Variants in SLC10A7 observed in about 807,000 individuals in gnomAD.
The protein encoded by SLC10A7 is solute carrier family 10 member 7, also known as sodium/bile acid cotransporter 7.
A neutral mutation model predicts 43.2 loss-of-function variants in SLC10A7; 29 were observed. The observed-to-expected ratio is 0.67, with a 90% confidence interval of 0.50 to 0.92. SLC10A7 has a LOEUF of 0.92. Among genes scored for constraint, SLC10A7 ranks in the 40% least tolerant of loss-of-function variants. The pLI is 0.00. For missense variants in SLC10A7, 295 were observed against 403.2 expected, an observed-to-expected ratio of 0.73 and a Z score of 2.30; for synonymous variants, 152 against 144.8, an observed-to-expected ratio of 1.05 and a Z score of -0.35.
intron 5 of SLC10A7, among the ~76,000 whole-genome samples, chr4:146,371,757 A>AT (rs1229481751): frequency 6.6e-6 from 1 of 152,142 alleles, no homozygotes; most frequent in East Asian, 1.9e-4. Context: ...TTAAATGGAG[A>AT]TTTTTAATAT....
intron 5 of SLC10A7, among the ~76,000 whole-genome samples, chr4:146,327,808 C>T (rs532401849): frequency 6.6e-6 from 1 of 152,184 alleles, no homozygotes; most frequent in African/African-American, 2.4e-5. Flanking sequence ...AGCCCCCACC[C>T]CTGTGCCACT....
At chr4:146,439,507 G>C (rs1730443153) in intron 5 of SLC10A7, among the ~76,000 whole-genome samples, 2 of 151,868 alleles carry the variant, frequency 1.3e-5, no homozygotes, top group Non-Finnish European at 2.9e-5. Flanking sequence ...ATTGGATCAG[G>C]GTATTTTAGA....
intron 5 of SLC10A7, among the ~76,000 whole-genome samples, chr4:146,429,486 C>A (rs1231184954): frequency 6.6e-6 from 1 of 152,074 alleles, no homozygotes; most frequent in African/African-American, 2.4e-5. Context: ...AAAACAAACA[C>A]CTGCCTTCAT....
intron 3 of SLC10A7, among the ~76,000 whole-genome samples, chr4:146,507,244 T>C (rs1579369007): frequency 6.6e-6 from 1 of 152,196 alleles, no homozygotes; most frequent in Non-Finnish European, 1.5e-5. Flanking sequence ...TTTGAAGTTA[T>C]ATGTGACTCC....
rs1730539240 is a variant in SLC10A7, at chr4:146,292,916, C to T, written c.773+13G>A. Reference sequence around the variant, plus strand: ...TTTAGAAAACTAATAACAAGAGATACCAAATCACTTACCTTGTTGAAAAGA... The same window carrying T: ...TTTAGAAAACTAATAACAAGAGATATCAAATCACTTACCTTGTTGAAAAGA... On this transcript the variant is annotated intron_variant, in intron 9 of 11. Coordinates refer to ENST00000335472, the MANE Select transcript of SLC10A7 (RefSeq NM_001029998.6). The T allele has an allele frequency of 6.4e-7, 1 of 1,566,314 alleles. No homozygotes were observed. Among genetic ancestry groups the T allele is most frequent in the Non-Finnish European group, 8.8e-7 (1 of 1,142,384 alleles).
At chr4:146,286,444 A>G in intron 9 of SLC10A7, among the ~76,000 whole-genome samples, 1 of 133,532 alleles carries the variant, frequency 7.5e-6, no homozygotes, top group African/African-American at 2.8e-5. Context: ...AGGACTCTGG[A>G]GTGGTGAGAA....
intron 5 of SLC10A7, among the ~76,000 whole-genome samples, chr4:146,329,785 A>G (rs1733408795): frequency 6.6e-6 from 1 of 152,216 alleles, no homozygotes; most frequent in African/African-American, 2.4e-5. Context: ...GGGTGAGCTA[A>G]ACATTTAAAC....
rs1477631619 is a variant in SLC10A7, at chr4:146,329,447, A to G, written c.436-3451T>C. On this transcript the variant is annotated intron_variant, in intron 5 of 11. Transcript: ENST00000335472. ...CTATGTTATTTTATGTAATCCTCAC[A>G]CTCTCTGACATAGGTACTATTATTA... Among the ~76,000 whole-genome samples the G allele has an allele frequency of 3.3e-5, 5 of 152,242 alleles. No homozygotes were observed. The East Asian group carries it at 7.7e-4, about 23-fold the overall frequency.
chr4:146,491,022 C>T (rs749735998), intron 4 of SLC10A7, among the ~76,000 whole-genome samples: 1 of 152,110 alleles, frequency 6.6e-6, no homozygotes, highest in Non-Finnish European at 1.5e-5. Flanking sequence ...GCAAAAATAT[C>T]TGATTAAGGG....
chr4:146,421,904 TA>T (rs1380656951), intron 5 of SLC10A7, among the ~76,000 whole-genome samples: 2 of 152,202 alleles, frequency 1.3e-5, no homozygotes, highest in African/African-American at 4.8e-5. Context: ...CTCTCTTTTT[TA>T]ATTGATGATA....
At chr4:146,384,577 T>A (rs1193071595) in intron 5 of SLC10A7, among the ~76,000 whole-genome samples, 1 of 152,120 alleles carries the variant, frequency 6.6e-6, no homozygotes, top group African/African-American at 2.4e-5. Flanking sequence ...AGTCTCTTTA[T>A]CAGGTTTCAT....
At chr4:146,497,667 C>T (rs944282785) in intron 4 of SLC10A7, among the ~76,000 whole-genome samples, 1 of 152,176 alleles carries the variant, frequency 6.6e-6, no homozygotes, top group African/African-American at 2.4e-5. Flanking sequence ...CAAACCCTAC[C>T]TTTCTTGCTT....
intron 10 of SLC10A7, among the ~76,000 whole-genome samples, chr4:146,277,278 A>G (rs1278662678): frequency 6.6e-6 from 1 of 152,172 alleles, no homozygotes; most frequent in Non-Finnish European, 1.5e-5. Flanking sequence ...AAGCTTTAAT[A>G]TCTTTAATTT....
At position 146,379,947 on chromosome 4, in the gene SLC10A7, CT is replaced by C. The variant is rs1446147059; in HGVS notation, c.436-53952del. On this transcript the variant is annotated intron_variant, in intron 5 of 11. Transcript: ENST00000335472. ...GCTTGACAAATAATTCTCTCTCTCT[CT>C]CTCTCTCTCTCTGTGTGTGTGTGTG... Among the ~76,000 whole-genome samples the C allele has an allele frequency of 4.4e-4, 66 of 150,690 alleles. No homozygotes were observed. The East Asian group carries it at 9.4e-3, about 21-fold the overall frequency.
chr4:146,500,057 T>C (rs745721442), intron 4 of SLC10A7, among the ~76,000 whole-genome samples: 4 of 152,202 alleles, frequency 2.6e-5, no homozygotes, highest in Non-Finnish European at 4.4e-5. Context: ...CCACAGTGCA[T>C]ACTAGTCTAA....
chr4:146,503,789 ATTT>A, intron 4 of SLC10A7, 57 bp downstream of exon 4: 1 of 1,490,812 alleles, frequency 6.7e-7, no homozygotes. Flanking sequence ...AATGTGATAT[ATTT>A]TTGAAATAAA....
At chr4:146,323,541 G>A (rs143272884) in intron 6 of SLC10A7, among the ~76,000 whole-genome samples, 217 of 152,300 alleles carry the variant, frequency 1.4e-3, no homozygotes, top group Non-Finnish European at 2.5e-3. Flanking sequence ...GGTTGCAGAT[G>A]TGTGGTATTA....
intron 11 of SLC10A7, 176 bp from the exon 12 acceptor site, chr4:146,256,696 G>A: frequency 1.0e-6 from 1 of 975,016 alleles, no homozygotes; most frequent in East Asian, 2.6e-5. Flanking sequence ...CCACCTCTCT[G>A]GCCAGCAGAC....
chr4:146,418,755 A>G (rs7699206), intron 5 of SLC10A7, among the ~76,000 whole-genome samples: 83,411 of 151,814 alleles, frequency 0.55, 23,535 homozygotes, highest in East Asian at 0.77. Context: ...TTCAATTCTA[A>G]CACTCTCCAC....
Sources: gnomAD v4.1 joint callset for allele counts (sites outside exome capture counted in the v4.1 genomes callset) on GRCh38, gnomAD v4.1.1 for gene constraint, MANE v1.5 for transcripts, NCBI Gene and HGNC (gene_info 2026-07-23, HGNC 2026-07-21) for gene names.